Variants in RPRD2 observed in about 807,000 individuals in gnomAD.
RPRD2 encodes the protein regulation of nuclear pre-mRNA domain-containing protein 2.
RPRD2 carries 12 observed loss-of-function variants against 104.4 expected under a neutral mutation model. The ratio of observed to expected loss-of-function variants is 0.11; its 90% CI spans 0.07 to 0.19. The LOEUF is 0.19. RPRD2 is among the 10% of genes least tolerant of loss of function. The probability of loss-of-function intolerance (pLI) is 1.00; values close to 1 mark genes in which losing one functional copy is unlikely to be tolerated. For missense variants in RPRD2, 1,543 were observed against 1,790.1 expected (o/e 0.86, Z 2.49); for synonymous variants, 714 against 684.9 (o/e 1.04, Z -0.66).
At chr1:150,368,915 A>G (rs1474295156) in intron 1 of RPRD2, among the ~76,000 whole-genome samples, 5 of 152,010 alleles carry the variant, frequency 3.3e-5, no homozygotes, top group Non-Finnish European at 7.4e-5. Context: ...GCTTCGCTTT[A>G]TTTCAAGTAG....
chr1:150,392,786 T>G (rs145230422), intron 1 of RPRD2, among the ~76,000 whole-genome samples: 36 of 151,864 alleles, frequency 2.4e-4, no homozygotes, highest in Non-Finnish European at 3.7e-4. Context: ...CAGATTTCTG[T>G]GAGCTATGAT....
At chr1:150,460,751 G>C (rs1365483294) in intron 9 of RPRD2, among the ~76,000 whole-genome samples, 2 of 144,086 alleles carry the variant, frequency 1.4e-5, no homozygotes, top group African/African-American at 2.6e-5. Flanking sequence ...TTTCTGAGAC[G>C]GAGTTTCAGT....
chr1:150,435,436 T>TG (rs587709480), intron 2 of RPRD2, among the ~76,000 whole-genome samples: 2,282 of 152,320 alleles, frequency 0.015, 24 homozygotes, highest in Non-Finnish European at 0.026. Context: ...CTAGGCCTCT[T>TG]GCACCAGTTA....
chr1:150,457,703 C>T, intron 8 of RPRD2, 133 bp downstream of exon 8: 2 of 790,398 alleles, frequency 2.5e-6, no homozygotes, highest in Non-Finnish European at 4.2e-6. Context: ...GCATTATAAT[C>T]TCTAGAGCAG....
rs1560236270 is a variant in RPRD2, at chr1:150,476,395, A to G, written c.*3061A>G. On this transcript the variant is annotated 3_prime_UTR_variant, in exon 11 of 11. Transcript: ENST00000369068. ...TACTGCTTTCCCCAGTTCCCCCACT[A>G]TTTTTTTTAAGTGGGCGGGGGCGCC... The G allele has an allele frequency of 6.6e-6, 1 of 151,852 alleles. No individual in the cohort carries two copies. Among genetic ancestry groups the G allele is most frequent in the East Asian group, 1.9e-4 (1 of 5,190 alleles). 9.4% of individuals were successfully genotyped at this position (151,852 alleles called of 1,614,324 possible). A position where few individuals can be genotyped will look rare whatever the true frequency, so the allele number is the denominator to read the frequency against.
intron 1 of RPRD2, among the ~76,000 whole-genome samples, chr1:150,402,119 C>G (rs1490263226): frequency 2.6e-5 from 4 of 151,916 alleles, no homozygotes; most frequent in Non-Finnish European, 4.4e-5. Context: ...CCACCACACC[C>G]AGCTAATTTT....
At chr1:150,432,192 AG>A (rs1356201022) in intron 2 of RPRD2, among the ~76,000 whole-genome samples, 41 of 147,450 alleles carry the variant, frequency 2.8e-4, no homozygotes, top group South Asian at 4.3e-4. Flanking sequence ...AAAAAAAAAA[AG>A]AAAGAAAAGT....
intron 10 of RPRD2, among the ~76,000 whole-genome samples, chr1:150,467,990 T>C (rs1451770139): frequency 6.6e-6 from 1 of 151,712 alleles, no homozygotes; most frequent in Non-Finnish European, 1.5e-5. Flanking sequence ...AAACCTGTCT[T>C]TCCAAAAAAA....
intron 1 of RPRD2, among the ~76,000 whole-genome samples, chr1:150,372,286 G>T (rs1260641173): frequency 2.0e-5 from 3 of 152,132 alleles, no homozygotes; most frequent in African/African-American, 7.2e-5. Flanking sequence ...AGGCACAGGG[G>T]ATACAGCAGG....
At chr1:150,429,696 AAAC>A (rs781990228) in intron 2 of RPRD2, among the ~76,000 whole-genome samples, 1 of 152,228 alleles carries the variant, frequency 6.6e-6, no homozygotes, top group African/African-American at 2.4e-5. Flanking sequence ...AACAGCAAAG[AAAC>A]AACAACAAAT....
At chr1:150,453,645 T>TA (rs1667342539) in intron 7 of RPRD2, among the ~76,000 whole-genome samples, 1 of 152,236 alleles carries the variant, frequency 6.6e-6, no homozygotes, top group Admixed American at 6.5e-5. Context: ...CTTCACCTGT[T>TA]ACGGGTATGT....
intron 1 of RPRD2, among the ~76,000 whole-genome samples, chr1:150,413,228 G>T (rs1664074316): frequency 6.6e-6 from 1 of 152,090 alleles, no homozygotes; most frequent in African/African-American, 2.4e-5. Context: ...GGTGTAGGGG[G>T]ATAAGGAGGA....
chr1:150,414,022 G>A (rs1664142421), intron 1 of RPRD2, among the ~76,000 whole-genome samples: 1 of 152,148 alleles, frequency 6.6e-6, no homozygotes, highest in African/African-American at 2.4e-5. Flanking sequence ...GAACCCAGGA[G>A]GCAGAGGTTT....
intron 1 of RPRD2, among the ~76,000 whole-genome samples, chr1:150,413,288 A>C (rs1321153928): frequency 2.0e-5 from 3 of 152,130 alleles, no homozygotes; most frequent in Non-Finnish European, 4.4e-5. Context: ...TAACAGATAG[A>C]AAAAGAGGAA....
chr1:150,375,673 C>G (rs1026057018), intron 1 of RPRD2, among the ~76,000 whole-genome samples: 1 of 152,116 alleles, frequency 6.6e-6, no homozygotes, highest in Non-Finnish European at 1.5e-5. Flanking sequence ...TCCTCCTAGG[C>G]TTTTGTCAGT....
intron 1 of RPRD2, among the ~76,000 whole-genome samples, chr1:150,409,550 A>T (rs1663740947): frequency 6.6e-6 from 1 of 152,148 alleles, no homozygotes; most frequent in Non-Finnish European, 1.5e-5. Flanking sequence ...GAGATAGGCA[A>T]AAAATAAATT....
intron 1 of RPRD2, among the ~76,000 whole-genome samples, chr1:150,412,305 C>A (rs1572421117): frequency 6.6e-6 from 1 of 152,130 alleles, no homozygotes; most frequent in Non-Finnish European, 1.5e-5. Flanking sequence ...TTTTTTCATT[C>A]CTCCAGAATT....
chr1:150,400,433 G>A (rs1245989948), intron 1 of RPRD2, among the ~76,000 whole-genome samples: 3 of 152,200 alleles, frequency 2.0e-5, no homozygotes, highest in East Asian at 3.8e-4. Flanking sequence ...GACTGGGATG[G>A]GGTTGGTTTT....
chr1:150,453,034 CT>C (rs11342600), intron 7 of RPRD2, among the ~76,000 whole-genome samples: 72,321 of 132,816 alleles, frequency 0.54, 19,338 homozygotes, highest in Non-Finnish European at 0.6. Flanking sequence ...AATATATTTA[CT>C]TTTTTTTTTT....
Sources: allele counts gnomAD v4.1 joint callset (sites outside exome capture counted in the v4.1 genomes callset), GRCh38; gene constraint gnomAD v4.1.1; transcripts MANE v1.5; gene names NCBI Gene and HGNC (gene_info 2026-07-23, HGNC 2026-07-21).